The following GPC5 variants were observed in gnomAD, a reference collection of about 807,000 sequenced individuals.
GPC5 encodes glypican-5.
Under a neutral mutation model 53.9 loss-of-function variants are expected in GPC5, and 47 were observed. That is an observed-to-expected ratio of 0.87 (90% confidence interval 0.69 to 1.11). The LOEUF is 1.11. Ranked by LOEUF, GPC5 falls within the 50% of genes most tolerant of loss-of-function variation. The pLI is 0.00. For missense variants in GPC5, 748 were observed against 713.1 expected (o/e 1.05, Z -0.56); for synonymous variants, 286 against 263.3 (o/e 1.09, Z -0.84).
intron 6 of GPC5, among the ~76,000 whole-genome samples, chr13:92,056,533 T>A (rs2138846204): frequency 6.6e-6 from 1 of 152,322 alleles, no homozygotes; most frequent in South Asian, 2.1e-4. Context: ...ATTTGTAGTA[T>A]AAATTTTTAC....
At chr13:92,175,788 A>G (rs2042104946) in intron 7 of GPC5, among the ~76,000 whole-genome samples, 1 of 149,510 alleles carries the variant, frequency 6.7e-6, no homozygotes, top group African/African-American at 2.5e-5. Context: ...GATATTCCTC[A>G]AAGAAAAAAA....
At chr13:92,155,752 T>C (rs949934481) in intron 7 of GPC5, among the ~76,000 whole-genome samples, 1 of 136,622 alleles carries the variant, frequency 7.3e-6, no homozygotes, top group African/African-American at 2.5e-5. Flanking sequence ...ATTTACATTC[T>C]TCTATTTTTT....
chr13:92,322,104 G>T (rs1452276734), intron 7 of GPC5, among the ~76,000 whole-genome samples: 1 of 151,972 alleles, frequency 6.6e-6, no homozygotes, highest in East Asian at 1.9e-4. Flanking sequence ...GACCTTAAAA[G>T]TTAAATAAAA....
In GPC5 at chr13:91,448,898, T is replaced by A; in HGVS notation, c.301T>A (p.Ser101Thr). Residue 101 changes from serine (S) to threonine (T), a missense_variant, in exon 2 of 8, where the codon TCT becomes ACT. By Grantham distance (58) the Ser-to-Thr change is moderately conservative (BLOSUM62 1). Transcript: ENST00000377067. ...CAGCTCTACATTAAAGTTTCTAATA[T>A]CTCGAAATGCGGCTGCTTTTCAAGG... ...TSSSTLKFLI[S>T]RNAAAFQETL... 1 of 1,613,208 alleles carries A rather than the reference T, an allele frequency of 6.2e-7. No individual in the cohort carries two copies. The highest frequency in any genetic ancestry group is 8.5e-7 in the Non-Finnish European group (1 of 1,179,580).
chr13:91,562,188 T>TAAAAAAAAAAAA (rs10603242), intron 2 of GPC5, among the ~76,000 whole-genome samples: 2 of 45,060 alleles, frequency 4.4e-5, no homozygotes, highest in African/African-American at 1.7e-4. Flanking sequence ...GGAGCAACAG[T>TAAAAAAAAAAAA]AAAAAAAAAA....
At chr13:92,071,013 G>A (rs1477300211) in intron 6 of GPC5, among the ~76,000 whole-genome samples, 15 of 152,188 alleles carry the variant, frequency 9.9e-5, no homozygotes, top group African/African-American at 2.9e-4. Context: ...TGAGGCGGGC[G>A]GATCACGAGG....
At chr13:91,647,277 T>G (rs1040594739) in intron 2 of GPC5, among the ~76,000 whole-genome samples, 1 of 152,286 alleles carries the variant, frequency 6.6e-6, no homozygotes, top group Non-Finnish European at 1.5e-5. Context: ...CATGGTGAAG[T>G]TCTATAGGTT....
intron 7 of GPC5, among the ~76,000 whole-genome samples, chr13:92,804,137 A>G (rs188466558): frequency 2.2e-4 from 34 of 152,120 alleles, no homozygotes; most frequent in African/African-American, 7.7e-4. Context: ...ATCCTACAGA[A>G]TATTTATGGT....
intron 5 of GPC5, 37 bp downstream of exon 5, chr13:91,756,457 T>C: frequency 6.6e-7 from 1 of 1,515,502 alleles, no homozygotes; most frequent in Non-Finnish European, 9.0e-7. Context: ...ACTAGTTACA[T>C]CATCCTTGCT....
intron 1 of GPC5, among the ~76,000 whole-genome samples, chr13:91,442,477 G>C (rs1193261551): frequency 6.6e-6 from 1 of 152,156 alleles, no homozygotes; most frequent in Non-Finnish European, 1.5e-5. Flanking sequence ...GCACAGTGTT[G>C]TGCAACAGAT....
intron 7 of GPC5, among the ~76,000 whole-genome samples, chr13:92,412,096 T>A (rs534823997): frequency 6.6e-6 from 1 of 152,318 alleles, no homozygotes; most frequent in African/African-American, 2.4e-5. Context: ...TTTGGAGTAA[T>A]AATCATTAAG....
intron 7 of GPC5, among the ~76,000 whole-genome samples, chr13:92,518,428 C>T (rs1428700313): frequency 6.6e-6 from 1 of 152,170 alleles, no homozygotes; most frequent in Non-Finnish European, 1.5e-5. Context: ...CAGCAGATCT[C>T]TCGGCAGAAA....
At chr13:91,694,488 A>C (rs577179680) in intron 3 of GPC5, among the ~76,000 whole-genome samples, 5 of 152,368 alleles carry the variant, frequency 3.3e-5, no homozygotes, top group Admixed American at 2.6e-4. Flanking sequence ...ATACACGGTC[A>C]TGGTGTTTTA....
chr13:92,553,865 C>T (rs1882404243), intron 7 of GPC5, among the ~76,000 whole-genome samples: 1 of 151,894 alleles, frequency 6.6e-6, no homozygotes, highest in African/African-American at 2.4e-5. Context: ...ACAGTTTGCC[C>T]AATGTATCTC....
chr13:92,088,662 T>G (rs574104916), intron 6 of GPC5, among the ~76,000 whole-genome samples: 1 of 152,206 alleles, frequency 6.6e-6, no homozygotes, highest in African/African-American at 2.4e-5. Flanking sequence ...AGCTGAGTCC[T>G]GTCCACTGAC....
chr13:91,728,732 A>T, intron 4 of GPC5, 67 bp downstream of exon 4: 5 of 1,460,196 alleles, frequency 3.4e-6, no homozygotes, highest in Non-Finnish European at 4.6e-6. Flanking sequence ...AACAGAATAG[A>T]ACATATTCAA....
chr13:91,525,635 G>C (rs1886050560), intron 2 of GPC5, among the ~76,000 whole-genome samples: 1 of 152,160 alleles, frequency 6.6e-6, no homozygotes. Context: ...AAAGAAGTAA[G>C]TGCATGTTGT....
At chr13:92,434,828 T>C (rs1189296771) in intron 7 of GPC5, among the ~76,000 whole-genome samples, 2 of 152,170 alleles carry the variant, frequency 1.3e-5, no homozygotes, top group Admixed American at 1.3e-4. Flanking sequence ...GAGGAACCTA[T>C]CGTATTATCT....
chr13:91,552,394 C>A (rs2030693688), intron 2 of GPC5, among the ~76,000 whole-genome samples: 1 of 151,864 alleles, frequency 6.6e-6, no homozygotes, highest in African/African-American at 2.4e-5. Context: ...AGACTCTAAC[C>A]CAGTGGCGCT....
Sources: allele counts gnomAD v4.1 joint callset (sites outside exome capture counted in the v4.1 genomes callset), GRCh38; gene constraint gnomAD v4.1.1; transcripts MANE v1.5; gene names NCBI Gene and HGNC (gene_info 2026-07-23, HGNC 2026-07-21).